The following INTS3 variants were observed in gnomAD, a reference collection of about 807,000 sequenced individuals.
INTS3 encodes SOSS complex subunit A.
A neutral mutation model predicts 146.3 loss-of-function variants in INTS3; 34 were observed. That is an observed-to-expected ratio of 0.23 (90% CI 0.18 to 0.31). The LOEUF (loss-of-function observed/expected upper bound fraction) is 0.31, where lower values mean the gene tolerates loss of function less well. INTS3 is among the 10% of genes least tolerant of loss of function. INTS3 has a pLI of 1.00. For missense variants in INTS3, 757 were observed against 1,304.2 expected (o/e 0.58, Z 6.46); for synonymous variants, 475 against 494.9 (o/e 0.96, Z 0.53).
intron 23 of INTS3, 43 bp from the exon 24 acceptor site, chr1:153,770,155 G>A (rs777226778): frequency 9.2e-6 from 10 of 1,081,290 alleles, no homozygotes; most frequent in Middle Eastern, 2.6e-4. Context: ...GTGTGTGTTC[G>A]TTTGTTCATT....
chr1:153,769,963 G>T, intron 23 of INTS3, 119 bp downstream of exon 23: 1 of 779,578 alleles, frequency 1.3e-6, no homozygotes, highest in South Asian at 1.5e-5. Flanking sequence ...GGAGAGAATT[G>T]TACTCCACCC....
intron 8 of INTS3, 89 bp downstream of exon 8, chr1:153,752,497 TA>T: frequency 7.3e-7 from 1 of 1,368,618 alleles, no homozygotes; most frequent in South Asian, 1.4e-5. Context: ...GGTTGGTGGG[TA>T]GGAGAGTCTT....
Position 153,772,785 on chromosome 1 carries a change from C to T in INTS3, c.2894+74C>T, listed in dbSNP as rs1196653083. ...TAAGGGAGAGGAAGCCTGCTAGGGA[C>T]ATAAACGTAATGGCCAGCAAGACCT... On this transcript the variant is annotated intron_variant, in intron 28 of 29. Coordinates refer to ENST00000318967, the MANE Select transcript of INTS3 (RefSeq NM_023015.5). The surrounding 1 kb of genome is among the most constrained non-coding windows in gnomAD (Gnocchi z 4.6). 11 of 1,584,428 alleles carry T rather than the reference C, an allele frequency of 6.9e-6. No homozygotes were observed. The highest frequency in any genetic ancestry group is 1.9e-4 in the Middle Eastern group (1 of 5,366).
chr1:153,739,267 A>G (rs907455411), intron 1 of INTS3, among the ~76,000 whole-genome samples: 1 of 151,544 alleles, frequency 6.6e-6, no homozygotes, highest in African/African-American at 2.4e-5. Flanking sequence ...TTTTTTCACC[A>G]TGTTGGCTAG....
chr1:153,763,319 G>A lies in INTS3; in HGVS notation c.1723G>A (p.Asp575Asn), dbSNP rs1672457824. 11 of 1,614,190 alleles carry A rather than the reference G, an allele frequency of 6.8e-6. No individual in the cohort carries two copies. The highest frequency in any genetic ancestry group is 9.3e-6 in the Non-Finnish European group (11 of 1,180,024). The change falls in exon 16 of 30, where the codon GAT becomes AAT. Residue 575 changes from aspartate to asparagine, a missense_variant. Coordinates refer to ENST00000318967, the MANE Select transcript of INTS3 (RefSeq NM_023015.5). The stretch of plus-strand genomic sequence containing the variant: ...TATCACCCCTTACCTTGACCAGTTG[G>A]ATGAGTCCCTGAGGGACAAAGTACT... ...VDITPYLDQLDESLRDKVLQL... is the reference protein window; with the variant it reads ...VDITPYLDQLNESLRDKVLQL...
intron 14 of INTS3, 101 bp downstream of exon 14, chr1:153,761,777 C>A (rs1308125390): frequency 1.5e-6 from 1 of 668,602 alleles, no homozygotes; most frequent in African/African-American, 1.8e-5. Context: ...CAGTTCTCCA[C>A]TTCCGTGACA....
intron 7 of INTS3, among the ~76,000 whole-genome samples, chr1:153,751,607 C>T (rs1041923451): frequency 3.3e-5 from 5 of 152,168 alleles, no homozygotes; most frequent in African/African-American, 1.2e-4. Flanking sequence ...ATCAGACCTC[C>T]CATGTGGCAA....
chr1:153,753,535 G>A (rs951810261), intron 8 of INTS3, among the ~76,000 whole-genome samples: 1 of 150,984 alleles, frequency 6.6e-6, no homozygotes, highest in Admixed American at 6.6e-5. Flanking sequence ...CCAGCCTGGC[G>A]ACAGAGTGAG....
In INTS3 at chr1:153,772,341, C is replaced by T. The variant is rs775202209; in HGVS notation, c.2722C>T (p.Leu908=). The change falls in exon 27 of 30, where the codon CTG becomes TTG. Residue 908 remains leucine, a splice_region_variant and synonymous_variant. Transcript: ENST00000318967. This position sits in a 1 kb window ranked among gnomAD's most constrained non-coding sequence, Gnocchi z 4.6. ...CTGGCTCTGGTGATTCCTGCACAGCCTGAGGAGCTCTAGCAGCAAGCTGGC... is the reference window on the plus strand; with the variant it reads ...CTGGCTCTGGTGATTCCTGCACAGCTTGAGGAGCTCTAGCAGCAAGCTGGC... ...NNSLPRKRQS[L]RSSSSKLAQL... The T allele has an allele frequency of 1.2e-6, 2 of 1,613,792 alleles. No homozygotes were observed. The highest frequency in any genetic ancestry group is 3.3e-5 in the Admixed American group (2 of 60,016).
Position 153,728,445 on chromosome 1 carries a change from CTG to C in INTS3, c.-187_-186del. 3.2e-6 allele frequency: 2 copies of C among 623,160 alleles called. No individual in the cohort carries two copies. The highest frequency in any genetic ancestry group is 5.4e-6 in the Non-Finnish European group (2 of 368,424). The allele number at this position is 623,160 out of a possible 1,614,324, so 38.6% of individuals were successfully genotyped here. A position where few individuals can be genotyped will look rare whatever the true frequency, so the allele number is the denominator to read the frequency against. On this transcript the variant is annotated 5_prime_UTR_variant, in exon 1 of 30. Coordinates refer to ENST00000318967, the MANE Select transcript of INTS3 (RefSeq NM_023015.5). ...CACCCCAGAGTCAGGACCCAGAGGA[CTG>C]TGCCTTCGCCCCCAACGCAGGCGCG...
intron 1 of INTS3, among the ~76,000 whole-genome samples, chr1:153,730,747 G>C (rs1466388435): frequency 1.3e-5 from 2 of 151,942 alleles, no homozygotes; most frequent in Non-Finnish European, 2.9e-5. Context: ...CTTTTTTTCT[G>C]ATCTCCATAA....
intron 25 of INTS3, 22 bp downstream of exon 25, chr1:153,770,755 C>G: frequency 6.3e-7 from 1 of 1,595,606 alleles, no homozygotes; most frequent in Non-Finnish European, 8.6e-7. Context: ...TTCTGGGGCT[C>G]TTTAGCCCTC....
Position 153,748,689 on chromosome 1 carries a change from G to A in INTS3, c.518G>A (p.Gly173Asp). 6.2e-7 allele frequency: 1 copy of A among 1,613,536 alleles called. No homozygotes were observed. Among genetic ancestry groups the A allele is most frequent in the Non-Finnish European group, 8.5e-7 (1 of 1,179,414 alleles). ...VCMTFMKQIAGGDVTAKNIWL... is the reference protein window; with the variant it reads ...VCMTFMKQIADGDVTAKNIWL... The stretch of plus-strand genomic sequence containing the variant: ...TCTTTTTTTCCCCTTTTGAAATCAG[G>A]TGGAGATGTTACAGCCAAAAATATC... Residue 173 changes from glycine (G) to aspartate (D), a missense_variant and splice_region_variant, in exon 6 of 30, where the codon GGT becomes GAT. Gly to Asp is a moderately conservative substitution (Grantham distance 94). Coordinates refer to ENST00000318967, the MANE Select transcript of INTS3 (RefSeq NM_023015.5).
intron 1 of INTS3, among the ~76,000 whole-genome samples, chr1:153,729,166 ATGTTTGGGGGCTGGTAAGAGC>A (rs1217156746): frequency 6.6e-6 from 1 of 152,166 alleles, no homozygotes; most frequent in Admixed American, 6.5e-5. Flanking sequence ...GTCTGTGTAG[ATGTTTGGGGGCTGGTAAGAGC>A]TGGCAGTAGA....
Position 153,763,307 on chromosome 1 carries a change from C to A in INTS3, c.1711C>A (p.Leu571Ile). The part of the protein sequence containing the change: ...VEEPVDITPY[L>I]DQLDESLRDK... Reference sequence around the variant, plus strand: ...GGAGCCAGTTGATATCACCCCTTACCTTGACCAGTTGGATGAGTCCCTGAG... The same window carrying A: ...GGAGCCAGTTGATATCACCCCTTACATTGACCAGTTGGATGAGTCCCTGAG... Residue 571 changes from leucine (L) to isoleucine (I), a missense_variant, in exon 16 of 30, where the codon CTT becomes ATT. Leu to Ile is a conservative substitution (Grantham distance 5, BLOSUM62 2). This residue lies in a region of INTS3 where 89 missense variants were observed against 210.9 expected (regional missense o/e 0.42). Transcript: ENST00000318967. 1 of 1,614,170 alleles carries A rather than the reference C, an allele frequency of 6.2e-7. No individual in the cohort carries two copies. The highest frequency in any genetic ancestry group is 2.2e-5 in the East Asian group (1 of 44,890).
intron 1 of INTS3, among the ~76,000 whole-genome samples, chr1:153,733,111 G>T (rs1031636014): frequency 6.6e-6 from 1 of 150,586 alleles, no homozygotes; most frequent in Non-Finnish European, 1.5e-5. Flanking sequence ...AAAGTGCTGG[G>T]ATTACAGGAA....
intron 11 of INTS3, 171 bp downstream of exon 11, chr1:153,759,784 T>C (rs1672305798): frequency 3.3e-6 from 2 of 608,646 alleles, no homozygotes; most frequent in Non-Finnish European, 2.9e-6. Flanking sequence ...GAGAATTGCT[T>C]TGATAAGGCT....
At position 153,772,618 on chromosome 1, in the gene INTS3, C is replaced by T. The variant is rs1379989359; in HGVS notation, c.2822-21C>T. Reference sequence around the variant, plus strand: ...ACATCTGATTGTTTTTCCTTCCCTGCTCTCCCTTTTCTTCCTCTAGTTTTT... The same window carrying T: ...ACATCTGATTGTTTTTCCTTCCCTGTTCTCCCTTTTCTTCCTCTAGTTTTT... On this transcript the variant is annotated intron_variant, in intron 27 of 29. Coordinates refer to ENST00000318967, the MANE Select transcript of INTS3 (RefSeq NM_023015.5). The surrounding 1 kb of genome is among the most constrained non-coding windows in gnomAD (Gnocchi z 4.6). 1.9e-6 allele frequency: 3 copies of T among 1,614,060 alleles called. No individual in the cohort carries two copies. Among genetic ancestry groups the T allele is most frequent in the South Asian group, 1.1e-5 (1 of 91,092 alleles).
chr1:153,732,103 ATGTTGGCCAGGC>A (rs894563271), intron 1 of INTS3, among the ~76,000 whole-genome samples: 3 of 151,496 alleles, frequency 2.0e-5, no homozygotes, highest in Non-Finnish European at 4.4e-5. Context: ...GGGTTTCACC[ATGTTGGCCAGGC>A]TGGTCTCGAA....
Sources: allele counts gnomAD v4.1 joint callset (sites outside exome capture counted in the v4.1 genomes callset), GRCh38; gene constraint gnomAD v4.1.1; regional missense constraint gnomAD v4.1.1; non-coding constraint Gnocchi (gnomAD v3.1); transcripts MANE v1.5; gene names NCBI Gene and HGNC (gene_info 2026-07-23, HGNC 2026-07-21).